ZNF462: variants seen among roughly 807,000 people sequenced by gnomAD.
ZNF462 encodes the protein zinc finger protein 462, also known as zinc finger PBX1-interacting protein.
A neutral mutation model predicts 201.9 loss-of-function variants in ZNF462; 10 were observed. That is an observed-to-expected ratio of 0.05 (90% CI 0.03 to 0.08). The LOEUF (loss-of-function observed/expected upper bound fraction) is 0.08. Among genes scored for constraint, ZNF462 ranks in the 10% least tolerant of loss-of-function variants. The probability of loss-of-function intolerance (pLI) is 1.00; values close to 1 mark genes in which losing one functional copy is unlikely to be tolerated. For synonymous variants in ZNF462, 1,227 were observed against 1,193.3 expected (o/e 1.03, Z -0.58); for missense variants, 2,523 against 3,168.3 (o/e 0.80, Z 4.89).
intron 1 of ZNF462, among the ~76,000 whole-genome samples, chr9:106,874,297 C>T (rs916675822): frequency 1.3e-5 from 2 of 152,108 alleles, no homozygotes; most frequent in Admixed American, 6.6e-5. Flanking sequence ...TAGGATAATC[C>T]CTCAGAGAGC....
At position 106,876,932 on chromosome 9, in the gene ZNF462, G is replaced by C. The variant is rs1265889539; in HGVS notation, c.-31+13577G>C. Among the ~76,000 whole-genome samples, 1 of 152,134 alleles carries C rather than the reference G, an allele frequency of 6.6e-6. No homozygotes were observed. Among genetic ancestry groups the C allele is most frequent in the Admixed American group, 6.5e-5 (1 of 15,272 alleles). ...AGTTTGAGGACTGCCCCATAGCCTG[G>C]CTTAGAAATGCTTTGGTTTTCTCTG... On this transcript the variant is annotated intron_variant, in intron 1 of 12. Transcript: ENST00000277225. This position sits in a 1 kb window ranked among gnomAD's most constrained non-coding sequence, Gnocchi z 4.9.
chr9:106,969,486 G>A (rs1826474700), intron 7 of ZNF462, among the ~76,000 whole-genome samples: 2 of 152,192 alleles, frequency 1.3e-5, no homozygotes, highest in Non-Finnish European at 1.5e-5. Flanking sequence ...GTCCTTGGAG[G>A]GGGTCTGCCT....
intron 6 of ZNF462, among the ~76,000 whole-genome samples, chr9:106,936,678 T>C (rs757135585): frequency 9.2e-5 from 14 of 152,248 alleles, no homozygotes; most frequent in Non-Finnish European, 1.8e-4. Context: ...CACTGTTTTC[T>C]AACTTGTGTA....
Position 106,978,151 on chromosome 9 carries a change from C to T in ZNF462, c.6832+3878C>T, listed in dbSNP as rs1423146231. Among the ~76,000 whole-genome samples the T allele has an allele frequency of 5.3e-5, 8 of 151,512 alleles. No individual in the cohort carries two copies. Among genetic ancestry groups the T allele is most frequent in the Non-Finnish European group, 1.0e-4 (7 of 68,030 alleles). ...ACACCCTAATCTAGTCTGGCCTTAA[C>T]TGATTGCCATCTGCAAAGAACCTAT... is the stretch of plus-strand genomic sequence containing the variant. On this transcript the variant is annotated intron_variant, in intron 9 of 12. Coordinates refer to ENST00000277225, the MANE Select transcript of ZNF462 (RefSeq NM_021224.6). This position sits in a 1 kb window ranked among gnomAD's most constrained non-coding sequence, Gnocchi z 4.1.
chr9:106,887,537 T>C (rs1243913537), intron 1 of ZNF462, among the ~76,000 whole-genome samples: 1 of 152,220 alleles, frequency 6.6e-6, no homozygotes, highest in Non-Finnish European at 1.5e-5. Context: ...GTTATTTTTT[T>C]AATGTTATCT....
chr9:106,909,746 T>C (rs1027338735), intron 1 of ZNF462, among the ~76,000 whole-genome samples: 2 of 152,220 alleles, frequency 1.3e-5, no homozygotes, highest in African/African-American at 4.8e-5. Flanking sequence ...TCTGTTATAA[T>C]TGACTAATTG....
rs202135468 is a variant in ZNF462 at position 106,929,302 on chromosome 9, A to G, written c.5390A>G (p.Lys1797Arg). 1.9e-6 allele frequency: 3 copies of G among 1,614,154 alleles called. No individual in the cohort carries two copies. The highest frequency in any genetic ancestry group is 1.7e-5 in the Admixed American group (1 of 60,028). Residue 1797 changes from lysine to arginine, a missense_variant, in exon 3 of 13, where the codon AAG becomes AGG. Physicochemically the swap from Lys to Arg is conservative, Grantham distance 26. Transcript: ENST00000277225. This position sits in a 1 kb window ranked among gnomAD's most constrained non-coding sequence, Gnocchi z 8.7. Reference sequence around the variant, plus strand: ...CGCCACCCAGGGGTGTTCCCAAAGAAGCAGCACGCCAGCAAGTTGGGGGGC... The same window carrying G: ...CGCCACCCAGGGGTGTTCCCAAAGAGGCAGCACGCCAGCAAGTTGGGGGGC... Reference protein sequence around the residue: ...MKRHPGVFPKKQHASKLGGYF... With the variant: ...MKRHPGVFPKRQHASKLGGYF...
rs763079463 is a variant in ZNF462 at position 106,930,731 on chromosome 9, T to C, written c.6012+42T>C. ...CTGGATGAGCATTGTGTGTGAGCGA[T>C]TCGAGTTACTTATTAACCCCATTGC... On this transcript the variant is annotated intron_variant, in intron 4 of 12. Coordinates refer to ENST00000277225, the MANE Select transcript of ZNF462 (RefSeq NM_021224.6). This position sits in a 1 kb window ranked among gnomAD's most constrained non-coding sequence, Gnocchi z 5.8. 1.0e-5 allele frequency: 16 copies of C among 1,606,614 alleles called. No homozygotes were observed. The Admixed American group carries it at 2.3e-4, about 23-fold the overall frequency.
At chr9:106,879,426 A>C (rs1827993965) in intron 1 of ZNF462, among the ~76,000 whole-genome samples, 1 of 145,560 alleles carries the variant, frequency 6.9e-6, no homozygotes. Flanking sequence ...CCATGGCAAA[A>C]CTTCAGCTGA....
intron 1 of ZNF462, among the ~76,000 whole-genome samples, chr9:106,887,821 T>C (rs961451364): frequency 2.0e-5 from 3 of 152,220 alleles, no homozygotes; most frequent in African/African-American, 7.2e-5. Context: ...GGGTTATCGT[T>C]ACATAGTTTA....
At chr9:106,936,846 G>A (rs975339724) in intron 6 of ZNF462, among the ~76,000 whole-genome samples, 18 of 152,162 alleles carry the variant, frequency 1.2e-4, no homozygotes, top group African/African-American at 3.4e-4. Context: ...TGATGCCAGC[G>A]TATTAAGCTG....
In ZNF462 at chr9:106,966,120, A is replaced by G. The variant is rs1465147392; in HGVS notation, c.6428-5885A>G. On this transcript the variant is annotated intron_variant, in intron 7 of 12. Transcript: ENST00000277225. The surrounding 1 kb of genome is among the most constrained non-coding windows in gnomAD (Gnocchi z 4.4). Reference sequence around the variant, plus strand: ...TTTCTAATGGCCCATGCTACCAACCATTAGTTGCTAAATAGTCTGCTTTTC... The same window carrying G: ...TTTCTAATGGCCCATGCTACCAACCGTTAGTTGCTAAATAGTCTGCTTTTC... 2.6e-5 allele frequency among the ~76,000 whole-genome samples: 4 copies of G among 152,192 alleles called. No homozygotes were observed. In the East Asian group the frequency reaches 5.8e-4, roughly 22 times the overall value.
intron 10 of ZNF462, among the ~76,000 whole-genome samples, chr9:106,988,301 T>G (rs1828004175): frequency 6.6e-6 from 1 of 152,096 alleles, no homozygotes; most frequent in African/African-American, 2.4e-5. Flanking sequence ...CGGAAACCCC[T>G]GGTAAACCAT....
intron 1 of ZNF462, among the ~76,000 whole-genome samples, chr9:106,875,447 T>C (rs1827788820): frequency 6.6e-6 from 1 of 152,220 alleles, no homozygotes; most frequent in Non-Finnish European, 1.5e-5. Flanking sequence ...GATCTTTTAC[T>C]TTATAAGGCA....
Position 106,913,875 on chromosome 9 carries a change from T to C in ZNF462, c.-30-9479T>C, listed in dbSNP as rs1230348395. On this transcript the variant is annotated intron_variant, in intron 1 of 12. Coordinates refer to ENST00000277225, the MANE Select transcript of ZNF462 (RefSeq NM_021224.6). The surrounding 1 kb of genome is among the most constrained non-coding windows in gnomAD (Gnocchi z 4.1). ...CCTCAGCCTCCCAAAGTGCTAGGATTACAGGCATGAGACACTGTGCCCAGC... is the reference window on the plus strand; with the variant it reads ...CCTCAGCCTCCCAAAGTGCTAGGATCACAGGCATGAGACACTGTGCCCAGC... Among the ~76,000 whole-genome samples, 3 of 150,612 alleles carry C rather than the reference T, an allele frequency of 2.0e-5. No individual in the cohort carries two copies. The highest frequency in any genetic ancestry group is 3.0e-5 in the Non-Finnish European group (2 of 67,436).
In ZNF462 at chr9:106,930,945, G is replaced by C; in HGVS notation, c.6012+256G>C. ...TGGCAGCAGAAGGTCCAGGATTCTC[G>C]GTCTAGGAGGCTTCGGGTCGTCCTT... On this transcript the variant is annotated intron_variant, in intron 4 of 12. Coordinates refer to ENST00000277225, the MANE Select transcript of ZNF462 (RefSeq NM_021224.6). This position sits in a 1 kb window ranked among gnomAD's most constrained non-coding sequence, Gnocchi z 5.8. 2 of 389,840 alleles carry C rather than the reference G, an allele frequency of 5.1e-6. No homozygotes were observed. The highest frequency in any genetic ancestry group is 9.5e-5 in the East Asian group (2 of 21,142). The allele number at this position is 389,840 out of a possible 1,614,324, so 24.1% of individuals were successfully genotyped here. A position where few individuals can be genotyped will look rare whatever the true frequency, so the allele number is the denominator to read the frequency against.
At chr9:106,869,428 G>A (rs186310892) in intron 1 of ZNF462, among the ~76,000 whole-genome samples, 9 of 152,348 alleles carry the variant, frequency 5.9e-5, no homozygotes, top group African/African-American at 2.2e-4. Context: ...GGACAGTCCT[G>A]TAAGGAAGGG....
intron 7 of ZNF462, among the ~76,000 whole-genome samples, chr9:106,949,253 G>A (rs552226828): frequency 6.6e-6 from 1 of 152,286 alleles, no homozygotes; most frequent in South Asian, 2.1e-4. Context: ...GCTCTCCGAG[G>A]TCAGGGACCA....
At chr9:106,867,066 T>C (rs1207902271) in intron 1 of ZNF462, among the ~76,000 whole-genome samples, 2 of 152,190 alleles carry the variant, frequency 1.3e-5, no homozygotes, top group South Asian at 2.1e-4. Flanking sequence ...AGTTGAACTT[T>C]TCTGGAAGGG....
Sources: allele counts gnomAD v4.1 joint callset (sites outside exome capture counted in the v4.1 genomes callset), GRCh38; gene constraint gnomAD v4.1.1; non-coding constraint Gnocchi (gnomAD v3.1); transcripts MANE v1.5; gene names NCBI Gene and HGNC (gene_info 2026-07-23, HGNC 2026-07-21).